DUSP10: variants seen among roughly 807,000 people sequenced by gnomAD.
DUSP10 encodes the protein dual specificity phosphatase 10.
In DUSP10, 14 loss-of-function variants were observed where a neutral mutation model predicts 30.8. The ratio of observed to expected loss-of-function variants is 0.46; its 90% confidence interval spans 0.30 to 0.71. The LOEUF is 0.71. Among genes scored for constraint, DUSP10 ranks in the 30% least tolerant of loss-of-function variants. The pLI is 0.08. For synonymous variants in DUSP10, 254 were observed against 250.4 expected (o/e 1.01, Z -0.14); for missense variants, 550 against 619.4 (o/e 0.89, Z 1.19).
intron 1 of DUSP10, among the ~76,000 whole-genome samples, chr1:221,740,912 A>G (rs1372338415): frequency 2.0e-5 from 3 of 152,144 alleles, no homozygotes; most frequent in Admixed American, 2.0e-4. Flanking sequence ...TTCTTCTTCT[A>G]TTAGACATGC....
In DUSP10 at chr1:221,701,679, T is replaced by C. The variant is rs961059906; in HGVS notation, c.*733A>G. ...TCTCCAAGCTGGCAAATTTGCACTA[T>C]TTGTCTATCATTCAGCTGCCAGCTC... is the stretch of plus-strand genomic sequence containing the variant. On this transcript the variant is annotated 3_prime_UTR_variant, in exon 4 of 4. Coordinates refer to ENST00000366899, the MANE Select transcript of DUSP10 (RefSeq NM_007207.6). 1 of 152,402 alleles carries C rather than the reference T, an allele frequency of 6.6e-6. No homozygotes were observed. Among genetic ancestry groups the C allele is most frequent in the South Asian group, 2.1e-4 (1 of 4,824 alleles). 9.4% of individuals were successfully genotyped at this position (152,402 alleles called of 1,614,324 possible).
intron 2 of DUSP10, among the ~76,000 whole-genome samples, chr1:221,723,135 C>G (rs1661324395): frequency 6.6e-6 from 1 of 152,172 alleles, no homozygotes; most frequent in African/African-American, 2.4e-5. Flanking sequence ...GTCACCACCG[C>G]TAACATGATG....
At chr1:221,718,037 A>C (rs1302449192) in intron 2 of DUSP10, among the ~76,000 whole-genome samples, 1 of 143,384 alleles carries the variant, frequency 7.0e-6, no homozygotes, top group Admixed American at 7.4e-5. Flanking sequence ...CTGAGAGCCA[A>C]CCCAACTTGG....
In DUSP10 at chr1:221,702,260, T is replaced by TA; in HGVS notation, c.*151_*152insT. ...ATCAAAAGTTATAGTCTTCTTACAC[T>TA]TGTTAAAAATAAAGTGTTTAAACAA... On this transcript the variant is annotated 3_prime_UTR_variant, in exon 4 of 4. Transcript: ENST00000366899. The surrounding 1 kb of genome is among the most constrained non-coding windows in gnomAD (Gnocchi z 4.5). The TA allele has an allele frequency of 2.3e-6, 2 of 862,682 alleles. No individual in the cohort carries two copies. Among genetic ancestry groups the TA allele is most frequent in the Non-Finnish European group, 3.5e-6 (2 of 564,024 alleles). 53.4% of individuals were successfully genotyped at this position (862,682 alleles called of 1,614,324 possible). A position where few individuals can be genotyped will look rare whatever the true frequency, so the allele number is the denominator to read the frequency against.
intron 2 of DUSP10, among the ~76,000 whole-genome samples, chr1:221,708,921 A>G (rs1403848975): frequency 6.6e-6 from 1 of 152,044 alleles, no homozygotes; most frequent in Non-Finnish European, 1.5e-5. Context: ...AATTCAAAAG[A>G]AGGCTCTAAA....
rs1048217224 is a variant in DUSP10 at position 221,702,940 on chromosome 1, G to A, written c.1184-263C>T. 7.2e-5 allele frequency among the ~76,000 whole-genome samples: 11 copies of A among 152,140 alleles called. No individual in the cohort carries two copies. Among genetic ancestry groups the A allele is most frequent in the South Asian group, 4.1e-4 (2 of 4,834 alleles). On this transcript the variant is annotated intron_variant, in intron 3 of 3. Transcript: ENST00000366899. The surrounding 1 kb of genome is among the most constrained non-coding windows in gnomAD (Gnocchi z 4.5). ...GATTAAATGAAAGAATTGCTCATAG[G>A]AACAGTTTGCTGCACAGGTGACAGC...
intron 2 of DUSP10, among the ~76,000 whole-genome samples, chr1:221,733,011 T>TA (rs1270431063): frequency 6.6e-6 from 1 of 152,260 alleles, no homozygotes; most frequent in East Asian, 1.9e-4. Flanking sequence ...ATATGTAGTC[T>TA]ATCTTTTTCA....
chr1:221,739,184 G>A lies in DUSP10; in HGVS notation c.561C>T (p.His187=), dbSNP rs1171033429. 1.9e-6 allele frequency: 3 copies of A among 1,614,220 alleles called. No homozygotes were observed. Among genetic ancestry groups the A allele is most frequent in the Non-Finnish European group, 2.5e-6 (3 of 1,180,048 alleles). The change falls in exon 2 of 4, where the codon CAC becomes CAT. Residue 187 remains histidine, a synonymous_variant. Coordinates refer to ENST00000366899, the MANE Select transcript of DUSP10 (RefSeq NM_007207.6). ...AGTTAATGTGGACAGCTCCTTGGAT[G>A]TGACTCTTGTTGTACTCCATGAAGG... ...CRPFMEYNKS[H]IQGAVHINCA...
chr1:221,738,902 G>T, intron 2 of DUSP10, 32 bp downstream of exon 2: 1 of 1,567,156 alleles, frequency 6.4e-7, no homozygotes, highest in South Asian at 1.2e-5. Context: ...GGCTAATCAG[G>T]ACCGTGCTTG....
Position 221,702,335 on chromosome 1 carries a change from G to T in DUSP10, c.*77C>A, listed in dbSNP as rs1373819490. 2.0e-6 allele frequency: 3 copies of T among 1,492,324 alleles called. No homozygotes were observed. Among genetic ancestry groups the T allele is most frequent in the Non-Finnish European group, 2.7e-6 (3 of 1,114,150 alleles). 92.4% of individuals were successfully genotyped at this position (1,492,324 alleles called of 1,614,324 possible). On this transcript the variant is annotated 3_prime_UTR_variant, in exon 4 of 4. Coordinates refer to ENST00000366899, the MANE Select transcript of DUSP10 (RefSeq NM_007207.6). This position sits in a 1 kb window ranked among gnomAD's most constrained non-coding sequence, Gnocchi z 4.5. ...TCCCAACTACAAAAAAAAAAAGAAA[G>T]AAAAAAAACCAGAATCCATCCTCCT...
chr1:221,722,501 T>C (rs372520284), intron 2 of DUSP10, among the ~76,000 whole-genome samples: 1 of 152,192 alleles, frequency 6.6e-6, no homozygotes, highest in South Asian at 2.1e-4. Context: ...TGGTGGCAGA[T>C]GAAAAGTGCC....
chr1:221,705,769 T>C (rs1459466359), intron 3 of DUSP10, among the ~76,000 whole-genome samples: 1 of 152,232 alleles, frequency 6.6e-6, no homozygotes, highest in Non-Finnish European at 1.5e-5. Flanking sequence ...GATTCCTTAC[T>C]TTCCATCCAC....
At position 221,706,548 on chromosome 1, in the gene DUSP10, G is replaced by T; in HGVS notation, c.812-82C>A. 9.2e-7 allele frequency: 1 copy of T among 1,089,092 alleles called. No homozygotes were observed. The highest frequency in any genetic ancestry group is 1.3e-6 in the Non-Finnish European group (1 of 799,106). The allele number at this position is 1,089,092 out of a possible 1,614,324, so 67.5% of individuals were successfully genotyped here. On this transcript the variant is annotated intron_variant, in intron 2 of 3. Transcript: ENST00000366899. This position sits in a 1 kb window ranked among gnomAD's most constrained non-coding sequence, Gnocchi z 4.6. ...GCCACCTCCCCATTAGAATGAGTTT[G>T]CATTGTAGCTCATGCATATTTTAAA...
At chr1:221,718,085 T>A (rs1345092248) in intron 2 of DUSP10, among the ~76,000 whole-genome samples, 1 of 111,832 alleles carries the variant, frequency 8.9e-6, no homozygotes, top group African/African-American at 3.5e-5. Flanking sequence ...TGGTCCAAGG[T>A]CAGAATGGGG....
intron 2 of DUSP10, among the ~76,000 whole-genome samples, chr1:221,717,388 A>G (rs1312735186): frequency 6.6e-6 from 1 of 151,590 alleles, no homozygotes; most frequent in Non-Finnish European, 1.5e-5. Context: ...GAAGCTCCTG[A>G]GTGTTCCAAA....
chr1:221,712,839 T>G (rs1660981605), intron 2 of DUSP10, among the ~76,000 whole-genome samples: 1 of 143,428 alleles, frequency 7.0e-6, no homozygotes. Context: ...GTCTGCCACA[T>G]GCCAAGTGTG....
At chr1:221,738,318 G>T (rs1433078496) in intron 2 of DUSP10, among the ~76,000 whole-genome samples, 2 of 152,322 alleles carry the variant, frequency 1.3e-5, no homozygotes, top group East Asian at 3.9e-4. Context: ...AAACGTCTCT[G>T]TTCCCTTGGA....
At chr1:221,731,710 G>A (rs867794536) in intron 2 of DUSP10, among the ~76,000 whole-genome samples, 29 of 148,136 alleles carry the variant, frequency 2.0e-4, no homozygotes, top group African/African-American at 6.8e-4. Context: ...CCGGGTTCAA[G>A]CAATTCTCCT....
intron 2 of DUSP10, among the ~76,000 whole-genome samples, chr1:221,707,509 A>G (rs12126069): frequency 0.38 from 57,074 of 152,028 alleles, 12,223 homozygotes; most frequent in South Asian, 0.56. Flanking sequence ...GTCTAGTATA[A>G]AAAGCTTATA....
Sources: gnomAD v4.1 joint callset for allele counts (sites outside exome capture counted in the v4.1 genomes callset) on GRCh38, gnomAD v4.1.1 for gene constraint, Gnocchi (gnomAD v3.1) non-coding constraint, MANE v1.5 for transcripts, NCBI Gene and HGNC (gene_info 2026-07-23, HGNC 2026-07-21) for gene names.